BCKDHB: variants seen among roughly 807,000 people sequenced by gnomAD.
The protein encoded by BCKDHB is branched chain keto acid dehydrogenase E1 subunit beta.
A neutral mutation model predicts 48.5 loss-of-function variants in BCKDHB; 41 were observed. The ratio of observed to expected loss-of-function variants is 0.85; its 90% CI spans 0.66 to 1.10. The LOEUF (loss-of-function observed/expected upper bound fraction) is 1.10, where lower values mean the gene tolerates loss of function less well. Ranked by LOEUF, BCKDHB falls within the 50% of genes least tolerant of loss-of-function variation. The pLI, the probability that BCKDHB is intolerant of heterozygous loss-of-function variation, is 0.00. For synonymous variants in BCKDHB, 201 were observed against 174.8 expected (o/e 1.15, Z -1.18); for missense variants, 496 against 494.2 (o/e 1.00, Z -0.03).
At chr6:80,212,191 C>CA (rs1488357118) in intron 8 of BCKDHB, among the ~76,000 whole-genome samples, 1 of 152,050 alleles carries the variant, frequency 6.6e-6, no homozygotes, top group African/African-American at 2.4e-5. Flanking sequence ...GGTCTGACCA[C>CA]AAATTTACCA....
intron 8 of BCKDHB, among the ~76,000 whole-genome samples, chr6:80,214,915 C>T (rs775214387): frequency 4.6e-5 from 7 of 151,874 alleles, no homozygotes; most frequent in South Asian, 2.1e-4. Flanking sequence ...TCTTCTTGAC[C>T]GTACAAGGAT....
chr6:80,310,904 A>G (rs1582549109), intron 9 of BCKDHB, among the ~76,000 whole-genome samples: 1 of 152,026 alleles, frequency 6.6e-6, no homozygotes, highest in South Asian at 2.1e-4. Context: ...TTCTTTTGAG[A>G]TGTGTCCTTC....
chr6:80,303,747 T>A (rs1767705405), intron 9 of BCKDHB, among the ~76,000 whole-genome samples: 1 of 152,026 alleles, frequency 6.6e-6, no homozygotes, highest in Non-Finnish European at 1.5e-5. Context: ...CCTAAGGAAC[T>A]TGAGTTAAAA....
In BCKDHB at chr6:80,338,599, G is replaced by T. The variant is rs142625428; in HGVS notation, c.1039-5065G>T. 6.1e-3 allele frequency among the ~76,000 whole-genome samples: 931 copies of T among 152,300 alleles called. 10 individuals are homozygous for T. Among genetic ancestry groups the T allele is most frequent in the African/African-American group, 0.022 (898 of 41,546 alleles). Reference sequence around the variant, plus strand: ...TGTTTAATAAATGTTAGCTGTTTAGGCATTGTGCTATACGGATGCTACTTT... The same window carrying T: ...TGTTTAATAAATGTTAGCTGTTTAGTCATTGTGCTATACGGATGCTACTTT... On this transcript the variant is annotated intron_variant, in intron 9 of 9. Transcript: ENST00000320393.
At chr6:80,352,532 C>G in the BCKDHB span, among the ~76,000 whole-genome samples, 1 of 152,104 alleles carries the variant, frequency 6.6e-6, no homozygotes, top group African/African-American at 2.4e-5. Context: ...AATGAACCAC[C>G]ATTTTCTGTA....
chr6:80,217,685 C>A (rs1014711266), intron 8 of BCKDHB, among the ~76,000 whole-genome samples: 1 of 152,176 alleles, frequency 6.6e-6, no homozygotes, highest in African/African-American at 2.4e-5. Context: ...CTTCTGAAGG[C>A]CACTTCCATA....
chr6:80,206,017 A>T (rs12530290), intron 8 of BCKDHB, among the ~76,000 whole-genome samples: 11,028 of 152,064 alleles, frequency 0.073, 487 homozygotes, highest in South Asian at 0.099. Context: ...ACAAAATTGA[A>T]ATTTTGAGGG....
At chr6:80,366,828 G>T in the BCKDHB span, among the ~76,000 whole-genome samples, 1 of 152,150 alleles carries the variant, frequency 6.6e-6, no homozygotes, top group Admixed American at 6.5e-5. Flanking sequence ...CTCTCTCAAA[G>T]GTTATCAGAA....
chr6:80,386,090 G>T, the BCKDHB span, among the ~76,000 whole-genome samples: 2 of 152,306 alleles, frequency 1.3e-5, no homozygotes, highest in South Asian at 4.1e-4. Flanking sequence ...GGATGGTGGA[G>T]TGGATTAGTC....
intron 6 of BCKDHB, among the ~76,000 whole-genome samples, chr6:80,190,103 A>C (rs951919172): frequency 6.6e-6 from 1 of 152,152 alleles, no homozygotes; most frequent in Non-Finnish European, 1.5e-5. Context: ...GTGGATGATA[A>C]GTATGTATAG....
At chr6:80,159,387 T>G (rs1220991783) in intron 3 of BCKDHB, among the ~76,000 whole-genome samples, 1 of 152,184 alleles carries the variant, frequency 6.6e-6, no homozygotes, top group Non-Finnish European at 1.5e-5. Flanking sequence ...TTAATTATTT[T>G]TAGTAACTCC....
rs142607924 is a variant in BCKDHB, at chr6:80,335,351, G to A, written c.1039-8313G>A. Among the ~76,000 whole-genome samples, 8 of 151,950 alleles carry A rather than the reference G, an allele frequency of 5.3e-5. No homozygotes were observed. In the East Asian group the frequency reaches 7.7e-4, roughly 15 times the overall value. ...TCAGAAATCCTACCTTACAGAGAGC[G>A]ATTTGTTCATGAGATGACCCAGTGC... On this transcript the variant is annotated intron_variant, in intron 9 of 9. Coordinates refer to ENST00000320393, the MANE Select transcript of BCKDHB (RefSeq NM_183050.4).
the BCKDHB span, among the ~76,000 whole-genome samples, chr6:80,382,379 T>C: frequency 6.6e-6 from 1 of 152,202 alleles, no homozygotes; most frequent in Non-Finnish European, 1.5e-5. Context: ...ATGATTCTAA[T>C]TGTATGGAGC....
chr6:80,155,033 A>G (rs1210672990), intron 3 of BCKDHB, among the ~76,000 whole-genome samples: 1 of 152,162 alleles, frequency 6.6e-6, no homozygotes, highest in Non-Finnish European at 1.5e-5. Context: ...TGCTATCTTG[A>G]TATGCAATTT....
At chr6:80,418,691 C>T in the BCKDHB span, among the ~76,000 whole-genome samples, 5 of 152,196 alleles carry the variant, frequency 3.3e-5, no homozygotes, top group African/African-American at 1.2e-4. Context: ...TTCTGGATCA[C>T]TAATCACTAC....
chr6:80,254,552 T>C (rs1776969805), intron 8 of BCKDHB, among the ~76,000 whole-genome samples: 1 of 151,954 alleles, frequency 6.6e-6, no homozygotes, highest in Admixed American at 6.6e-5. Context: ...AATAAAAAAA[T>C]TAACCAGGTT....
chr6:80,177,469 T>G (rs1020245196), intron 6 of BCKDHB, among the ~76,000 whole-genome samples: 2 of 151,602 alleles, frequency 1.3e-5, no homozygotes, highest in Non-Finnish European at 2.9e-5. Flanking sequence ...TCTAGAGAGA[T>G]AAAGAGAAAG....
chr6:80,261,912 C>A (rs990772886), intron 8 of BCKDHB, among the ~76,000 whole-genome samples: 6 of 152,056 alleles, frequency 3.9e-5, no homozygotes, highest in African/African-American at 1.4e-4. Flanking sequence ...TTGAATAGGG[C>A]AGTATCAGTT....
At chr6:80,230,105 C>T (rs1775857637) in intron 8 of BCKDHB, among the ~76,000 whole-genome samples, 1 of 127,088 alleles carries the variant, frequency 7.9e-6, no homozygotes, top group African/African-American at 2.9e-5. Context: ...GTGGCGCTAT[C>T]CCGGCTCACT....
Sources: gnomAD v4.1 joint callset for allele counts (sites outside exome capture counted in the v4.1 genomes callset) on GRCh38, gnomAD v4.1.1 for gene constraint, MANE v1.5 for transcripts, NCBI Gene and HGNC (gene_info 2026-07-23, HGNC 2026-07-21) for gene names.